Variants in CLN3 observed in about 807,000 individuals in gnomAD.
The protein encoded by CLN3 is CLN3 lysosomal/endosomal transmembrane protein, battenin, also known as battenin.
CLN3 carries 49 observed loss-of-function variants against 60.7 expected under a neutral mutation model. The observed-to-expected ratio is 0.81, with a 90% CI of 0.64 to 1.02. The LOEUF (loss-of-function observed/expected upper bound fraction) is 1.02. Ranked by LOEUF, CLN3 falls within the 50% of genes least tolerant of loss-of-function variation. The probability of loss-of-function intolerance (pLI) is 0.00; values close to 1 mark genes in which losing one functional copy is unlikely to be tolerated. For missense variants in CLN3, 516 were observed against 557.4 expected, an observed-to-expected ratio of 0.93 and a Z score of 0.75; for synonymous variants, 256 against 245.8, an observed-to-expected ratio of 1.04 and a Z score of -0.39.
At chr16:28,489,144 C>A in intron 4 of CLN3, 146 bp downstream of exon 4, 1 of 709,168 alleles carries the variant, frequency 1.4e-6, no homozygotes, top group Admixed American at 2.0e-5. Flanking sequence ...TCAAGTGATC[C>A]GCCCGCCTCA....
At chr16:28,482,438 A>G (rs199802542) in intron 12 of CLN3, 39 bp downstream of exon 12, 246 of 1,613,728 alleles carry the variant, frequency 1.5e-4, no homozygotes, top group Middle Eastern at 3.3e-4. Context: ...CCCAGCCCCA[A>G]TCGCCACCTC....
rs139581903 is a variant in CLN3 at position 28,490,632 on chromosome 16, C to T, written c.125+850G>A. ...AAAAATAGCCGGGCGTGGTGGCAGGCGCCTGTAGTCTCAGCTACTCCGGAG... is the reference window on the plus strand; with the variant it reads ...AAAAATAGCCGGGCGTGGTGGCAGGTGCCTGTAGTCTCAGCTACTCCGGAG... On this transcript the variant is annotated intron_variant, in intron 3 of 15. Coordinates refer to ENST00000636147, the MANE Select transcript of CLN3 (RefSeq NM_001042432.2). 9.6e-4 allele frequency among the ~76,000 whole-genome samples: 145 copies of T among 150,754 alleles called. 6 individuals carry two copies. The East Asian group carries it at 0.027, about 28-fold the overall frequency.
intron 9 of CLN3, chr16:28,484,476 G>A (rs2046170182): frequency 3.5e-6 from 1 of 287,578 alleles, no homozygotes; most frequent in Non-Finnish European, 6.8e-6. Flanking sequence ...AGCCTCCCAA[G>A]TAGCGGGGAC....
chr16:28,473,338 C>A (rs940646991), downstream of CLN3, among the ~76,000 whole-genome samples: 4 of 152,140 alleles, frequency 2.6e-5, no homozygotes, highest in Non-Finnish European at 2.9e-5. Context: ...TGTCCTCCTG[C>A]CTCCCAGAAT....
chr16:28,489,862 G>T (rs563039574), intron 3 of CLN3, among the ~76,000 whole-genome samples: 12 of 152,134 alleles, frequency 7.9e-5, no homozygotes, highest in Admixed American at 7.2e-4. Context: ...TTCGAGACCA[G>T]CCTGAGCAAT....
downstream of CLN3, among the ~76,000 whole-genome samples, chr16:28,472,769 G>A (rs1426955641): frequency 6.7e-6 from 1 of 148,696 alleles, no homozygotes; most frequent in African/African-American, 2.5e-5. Context: ...TTGAACCCGG[G>A]AGTCTGGGCA....
intron 15 of CLN3, 33 bp from the exon 16 acceptor site, chr16:28,477,668 G>T: frequency 6.2e-7 from 1 of 1,614,050 alleles, no homozygotes; most frequent in Non-Finnish European, 8.5e-7. Context: ...TGAGGCTTCA[G>T]TCCCAGACAT....
chr16:28,488,639 G>T lies in CLN3; in HGVS notation c.246C>A (p.Ile82=), dbSNP rs1344708788. The change falls in exon 5 of 16, where the codon ATC becomes ATA. Residue 82 remains isoleucine (I), a synonymous_variant. Transcript: ENST00000636147. ...CAAATCGTGATGAGCTGTTGTGGGG[G>T]ATCGGCGTTGGGCCTGGGTCCACCT... ...QSHVDPGPTP[I]PHNSSSRFDC... is the part of the protein sequence containing the mutation. 4 of 1,614,202 alleles carry T rather than the reference G, an allele frequency of 2.5e-6. No homozygotes were observed. Among genetic ancestry groups the T allele is most frequent in the Non-Finnish European group, 2.5e-6 (3 of 1,180,022 alleles).
chr16:28,485,001 A>C (rs1351679602), intron 9 of CLN3: 3 of 150,524 alleles, frequency 2.0e-5, no homozygotes, highest in Non-Finnish European at 4.4e-5. Context: ...CCTGGAGTGC[A>C]GTGGCACAAT....
chr16:28,474,975 T>C (rs1327298697), downstream of CLN3, among the ~76,000 whole-genome samples: 5 of 152,054 alleles, frequency 3.3e-5, no homozygotes, highest in Non-Finnish European at 5.9e-5. Context: ...CAGGGCCAGG[T>C]GCAGTGGCTC....
rs746028230 is a variant in CLN3, at chr16:28,477,704, G to A, written c.1197+33C>T. 2.5e-6 allele frequency: 4 copies of A among 1,614,116 alleles called. No homozygotes were observed. The South Asian group carries it at 4.4e-5, about 18-fold the overall frequency. On this transcript the variant is annotated intron_variant, in intron 15 of 15. Transcript: ENST00000636147. ...CCCTGCCCTGGGTGTCCCTGGACAG[G>A]CCACCCCCAGCCCTTGCCCGGCCAA... is the stretch of plus-strand genomic sequence containing the variant.
the CLN3 span, among the ~76,000 whole-genome samples, chr16:28,468,461 A>G: frequency 2.7e-5 from 4 of 150,594 alleles, no homozygotes; most frequent in Non-Finnish European, 4.5e-5. Flanking sequence ...AAAAAAAAAT[A>G]CAATGAAGAG....
In CLN3 at chr16:28,489,275, TAG is replaced by T. The variant is rs1064794997; in HGVS notation, c.222+13_222+14del. ...CAGGGACTAACCATGGTGGTGGTGG[TAG>T]AGAGTCACTTACATGGCTCTGGTTT... is the stretch of plus-strand genomic sequence containing the variant. On this transcript the variant is annotated intron_variant, in intron 4 of 15. Transcript: ENST00000636147. 1.1e-5 allele frequency: 18 copies of T among 1,591,900 alleles called. No homozygotes were observed. The highest frequency in any genetic ancestry group is 1.3e-5 in the Non-Finnish European group (15 of 1,162,176).
At chr16:28,484,242 A>C (rs1018746654) in intron 9 of CLN3, 124 bp from the exon 10 acceptor site, 3 of 731,148 alleles carry the variant, frequency 4.1e-6, no homozygotes, top group Non-Finnish European at 7.3e-6. Flanking sequence ...TGGGTAGCTC[A>C]CTGCCTCTAA....
rs2046272751 is a variant in CLN3, at chr16:28,489,276, A to T, written c.222+14T>A. On this transcript the variant is annotated intron_variant, in intron 4 of 15. Transcript: ENST00000636147. ...AGGGACTAACCATGGTGGTGGTGGT[A>T]GAGAGTCACTTACATGGCTCTGGTT... 9.5e-6 allele frequency: 15 copies of T among 1,586,022 alleles called. No homozygotes were observed. The highest frequency in any genetic ancestry group is 1.3e-5 in the Non-Finnish European group (15 of 1,156,700).
chr16:28,482,373 G>A lies in CLN3; in HGVS notation c.916C>T (p.Leu306Phe), dbSNP rs774239875. ...YFINQGLFELLFFWNTSLSHA... is the reference protein window; with the variant it reads ...YFINQGLFELFFFWNTSLSHA... ...CTCAGGGAAGTGTTCCAGAAAAAGA[G>A]GAGTTCAAACTGCAACAAATACCAG... The change falls in exon 13 of 16, where the codon CTC (leucine) becomes TTC (phenylalanine). Residue 306 changes from leucine (L) to phenylalanine (F), a missense_variant. Leu to Phe is a conservative substitution (Grantham distance 22, BLOSUM62 0). Coordinates refer to ENST00000636147, the MANE Select transcript of CLN3 (RefSeq NM_001042432.2). 2.5e-6 allele frequency: 4 copies of A among 1,614,012 alleles called. No individual in the cohort carries two copies. The highest frequency in any genetic ancestry group is 3.4e-6 in the Non-Finnish European group (4 of 1,180,034).
chr16:28,477,390 C>T lies in CLN3; in HGVS notation c.*126G>A, dbSNP rs2046009793. ...AGGGAAACAAGGCTTCAGCCCTTCCCTACTCCCAGACCTGCCGGGAAGGCT... is the reference window on the plus strand; with the variant it reads ...AGGGAAACAAGGCTTCAGCCCTTCCTTACTCCCAGACCTGCCGGGAAGGCT... On this transcript the variant is annotated 3_prime_UTR_variant, in exon 16 of 16. Coordinates refer to ENST00000636147, the MANE Select transcript of CLN3 (RefSeq NM_001042432.2). The T allele has an allele frequency of 1.5e-6, 2 of 1,324,184 alleles. No homozygotes were observed. The highest frequency in any genetic ancestry group is 1.4e-5 in the African/African-American group (1 of 69,192). 82.0% of individuals were successfully genotyped at this position (1,324,184 alleles called of 1,614,324 possible).
chr16:28,484,540 G>C, intron 9 of CLN3: 1 of 237,812 alleles, frequency 4.2e-6, no homozygotes, highest in Non-Finnish European at 8.4e-6. Context: ...TGTATAAATG[G>C]AGTCTCGCTA....
chr16:28,485,571 CAAA>C (rs67148714), intron 9 of CLN3, among the ~76,000 whole-genome samples: 2 of 11,766 alleles, frequency 1.7e-4, no homozygotes, highest in African/African-American at 4.5e-4. Flanking sequence ...GACTCCGTCT[CAAA>C]AAAAAAAAAA....
Sources: gnomAD v4.1 joint callset for allele counts (sites outside exome capture counted in the v4.1 genomes callset) on GRCh38, gnomAD v4.1.1 for gene constraint, MANE v1.5 for transcripts, NCBI Gene and HGNC (gene_info 2026-07-23, HGNC 2026-07-21) for gene names.